KANTR: variants seen among roughly 807,000 people sequenced by gnomAD.
KANTR encodes KANTR integral membrane protein, also known as KDM5C adjacent transcript.
intron 2 of KANTR, among the ~76,000 whole-genome samples, chrX:53,138,784 C>T (rs1745491802): frequency 9.1e-6 from 1 of 110,314 alleles, no homozygotes; most frequent in Non-Finnish European, 1.9e-5. Context: ...AGCATAGATA[C>T]AGACACCTGT....
intron 2 of KANTR, among the ~76,000 whole-genome samples, chrX:53,137,552 G>A: frequency 9.0e-6 from 1 of 110,884 alleles, no homozygotes. Flanking sequence ...ATCACCCGAG[G>A]CTGGGAGTTC....
chrX:53,098,731 T>C (rs370321767), intron 1 of KANTR, among the ~76,000 whole-genome samples: 5 of 111,003 alleles, frequency 4.5e-5, no homozygotes, highest in Admixed American at 3.9e-4. Flanking sequence ...TAACTTTTTT[T>C]CTTTTTTTTT....
chrX:53,137,632 G>A (rs1017746551), intron 2 of KANTR, among the ~76,000 whole-genome samples: 92 of 110,281 alleles, frequency 8.3e-4, no homozygotes, highest in African/African-American at 2.8e-3. Flanking sequence ...AGCCAGACAT[G>A]GTGGCACATG....
At chrX:53,101,495 C>A (rs1255655879) in intron 2 of KANTR, among the ~76,000 whole-genome samples, 1 of 111,811 alleles carries the variant, frequency 8.9e-6, no homozygotes, top group Admixed American at 9.6e-5. Context: ...TCCTTTGACT[C>A]GAATACTTAG....
chrX:53,108,380 T>C (rs1932981354), intron 2 of KANTR, among the ~76,000 whole-genome samples: 2 of 108,976 alleles, frequency 1.8e-5, no homozygotes, highest in Non-Finnish European at 3.8e-5. Flanking sequence ...TTTTGTATTT[T>C]TAGTAGCCAT....
intron 2 of KANTR, among the ~76,000 whole-genome samples, chrX:53,121,994 A>C (rs2182286): frequency 1.8e-5 from 2 of 110,817 alleles, no homozygotes; most frequent in Non-Finnish European, 3.8e-5. Context: ...CTGGAAGGAG[A>C]GGGTGTATCT....
chrX:53,097,788 C>T (rs1289622930), intron 1 of KANTR, among the ~76,000 whole-genome samples: 8 of 108,095 alleles, frequency 7.4e-5, no homozygotes, highest in African/African-American at 2.3e-4. Context: ...CAGTGGCTCA[C>T]GCCTGTAATC....
intron 2 of KANTR, among the ~76,000 whole-genome samples, chrX:53,116,804 T>G (rs1186919903): frequency 1.8e-5 from 2 of 111,686 alleles, no homozygotes; most frequent in Non-Finnish European, 3.8e-5. Context: ...GCTCTGCCAT[T>G]CCATCTATCT....
chrX:53,139,220 CAAA>C (rs200871442), intron 2 of KANTR, among the ~76,000 whole-genome samples: 6 of 79,834 alleles, frequency 7.5e-5, no homozygotes, highest in African/African-American at 2.8e-4. Flanking sequence ...GACTCCGTCT[CAAA>C]AAAAAAAAAA....
chrX:53,138,469 C>G (rs1382861220), intron 2 of KANTR, among the ~76,000 whole-genome samples: 1 of 107,744 alleles, frequency 9.3e-6, no homozygotes, highest in Non-Finnish European at 1.9e-5. Context: ...TCAAGACCAG[C>G]CTGACCAACA....
chrX:53,130,568 G>A (rs1210857006), downstream of KANTR, among the ~76,000 whole-genome samples: 1 of 112,570 alleles, frequency 8.9e-6, no homozygotes, highest in Non-Finnish European at 1.9e-5. Context: ...CAAAACTGGG[G>A]ATAGTAGTAA....
At chrX:53,129,645 T>G (rs1431928622), downstream of KANTR, among the ~76,000 whole-genome samples, 1 of 109,960 alleles carries the variant, frequency 9.1e-6, no homozygotes, top group African/African-American at 3.3e-5. Flanking sequence ...TCACTCTAAT[T>G]TTTTTCGTAG....
At chrX:53,126,599 T>C (rs1304423695) in exon 3 of KANTR, 1 of 112,165 alleles carries the variant, frequency 8.9e-6, no homozygotes, top group African/African-American at 3.2e-5. Context: ...CTTGGTCATC[T>C]TAGTGATTAC....
At chrX:53,118,226 A>T (rs892632288) in intron 2 of KANTR, among the ~76,000 whole-genome samples, 4 of 111,978 alleles carry the variant, frequency 3.6e-5, no homozygotes, top group African/African-American at 1.3e-4. Context: ...TGACAGGATT[A>T]TGCCAAACTG....
chrX:53,137,441 G>A (rs1764060835), intron 2 of KANTR, among the ~76,000 whole-genome samples: 1 of 111,899 alleles, frequency 8.9e-6, no homozygotes, highest in Admixed American at 9.5e-5. Context: ...CTATTTTTCT[G>A]GTCAGGCTCA....
intron 2 of KANTR, among the ~76,000 whole-genome samples, chrX:53,140,862 G>C (rs1430448775): frequency 8.9e-6 from 1 of 112,037 alleles, no homozygotes; most frequent in African/African-American, 3.2e-5. Context: ...TGTTTTTCTA[G>C]TTTAAAATTA....
intron 2 of KANTR, among the ~76,000 whole-genome samples, chrX:53,119,619 C>G (rs1474408269): frequency 8.9e-6 from 1 of 112,199 alleles, no homozygotes; most frequent in Admixed American, 9.5e-5. Flanking sequence ...GCCTTAATTA[C>G]CTTGCCTTCA....
exon 3 of KANTR, chrX:53,125,857 T>C (rs1057248098): frequency 2.2e-4 from 24 of 109,976 alleles, no homozygotes; most frequent in African/African-American, 7.3e-4. Context: ...ATTATGAATA[T>C]AGTGTTTAAG....
chrX:53,138,364 T>A (rs1556817942), intron 2 of KANTR, among the ~76,000 whole-genome samples: 1 of 108,204 alleles, frequency 9.2e-6, no homozygotes, highest in African/African-American at 3.3e-5. Flanking sequence ...CTTTGTTTCT[T>A]TGAATTTAGA....
Sources: allele counts gnomAD v4.1 joint callset (sites outside exome capture counted in the v4.1 genomes callset), GRCh38; gene constraint gnomAD v4.1.1; transcripts MANE v1.5; gene names NCBI Gene and HGNC (gene_info 2026-07-23, HGNC 2026-07-21).